The following CRNKL1 variants were observed in gnomAD, a reference collection of about 807,000 sequenced individuals.
CRNKL1 encodes the protein crooked neck pre-mRNA splicing factor 1.
CRNKL1 carries 35 observed loss-of-function variants against 103.7 expected under a neutral mutation model. That is an observed-to-expected ratio of 0.34 (90% confidence interval 0.26 to 0.45). CRNKL1 has a LOEUF of 0.45. CRNKL1 is among the 20% of genes least tolerant of loss of function. The pLI, the probability that CRNKL1 is intolerant of heterozygous loss-of-function variation, is 1.00. For synonymous variants in CRNKL1, 267 were observed against 282.6 expected (o/e 0.94, Z 0.55); for missense variants, 645 against 836.0 (o/e 0.77, Z 2.82).
chr20:20,045,619 A>G (rs2146496238), intron 5 of CRNKL1, 133 bp from the exon 6 acceptor site: 1 of 729,032 alleles, frequency 1.4e-6, no homozygotes, highest in Non-Finnish European at 2.2e-6. Context: ...AACAAAACAC[A>G]TACAAAAGTG....
At chr20:20,039,555 A>G in intron 11 of CRNKL1, 54 bp downstream of exon 11, 2 of 1,601,446 alleles carry the variant, frequency 1.2e-6, no homozygotes, top group South Asian at 2.2e-5. Flanking sequence ...GGTCATCTAA[A>G]GTAAGACTAA....
At chr20:20,054,015 T>G (rs796396727), upstream of CRNKL1, among the ~76,000 whole-genome samples, 45 of 105,662 alleles carry the variant, frequency 4.3e-4, no homozygotes, top group East Asian at 2.6e-3. Flanking sequence ...TTTTGTTTGT[T>G]TTTTTTTTTT....
At position 20,038,532 on chromosome 20, in the gene CRNKL1, C is replaced by G; in HGVS notation, c.1546-82G>C. The G allele has an allele frequency of 6.7e-6, 5 of 742,416 alleles. No homozygotes were observed. The South Asian group carries it at 8.1e-5, about 12-fold the overall frequency. 46.0% of individuals were successfully genotyped at this position (742,416 alleles called of 1,614,324 possible). ...TCCAAAGCACAGCTGAAGTATCACTCTAACCTACATCTAGGAACATAGGAT... is the reference window on the plus strand; with the variant it reads ...TCCAAAGCACAGCTGAAGTATCACTGTAACCTACATCTAGGAACATAGGAT... On this transcript the variant is annotated intron_variant, in intron 11 of 13. Transcript: ENST00000536226.
At chr20:20,052,842 A>T, upstream of CRNKL1, 1 of 969,016 alleles carries the variant, frequency 1.0e-6, no homozygotes, top group Non-Finnish European at 1.5e-6. Flanking sequence ...TTTAGGCTGC[A>T]ATGCCTCGAG....
rs149981028 is a variant in CRNKL1, at chr20:20,044,683, G to A, written c.801+625C>T. Among the ~76,000 whole-genome samples, 8 of 152,130 alleles carry A rather than the reference G, an allele frequency of 5.3e-5. No homozygotes were observed. The East Asian group carries it at 1.5e-3, about 29-fold the overall frequency. ...CACCCAGGCTAGAGTGCAATGGCAC[G>A]AACATAGCTCATTGTAGTCTCAAAC... On this transcript the variant is annotated intron_variant, in intron 6 of 13. Coordinates refer to ENST00000536226, the MANE Select transcript of CRNKL1 (RefSeq NM_001278628.2).
At chr20:20,040,935 CA>C (rs2043502740) in intron 9 of CRNKL1, among the ~76,000 whole-genome samples, 169 bp from the exon 10 acceptor site, 1 of 152,170 alleles carries the variant, frequency 6.6e-6, no homozygotes, top group Non-Finnish European at 1.5e-5. Context: ...ATTCATTTCA[CA>C]AAAGTTAGAA....
At chr20:20,048,585 A>G in intron 3 of CRNKL1, 84 bp from the exon 4 acceptor site, 1 of 1,401,570 alleles carries the variant, frequency 7.1e-7, no homozygotes, top group African/African-American at 1.4e-5. Flanking sequence ...GAATGCACTG[A>G]TGTTTTATTA....
chr20:20,044,132 C>CA (rs1483952787), intron 6 of CRNKL1, among the ~76,000 whole-genome samples: 1 of 152,208 alleles, frequency 6.6e-6, no homozygotes, highest in Non-Finnish European at 1.5e-5. Context: ...CCCCAGCCCC[C>CA]AGCCATCAAA....
upstream of CRNKL1, among the ~76,000 whole-genome samples, chr20:20,052,946 C>T (rs2043875519): frequency 6.6e-6 from 1 of 152,044 alleles, no homozygotes; most frequent in Non-Finnish European, 1.5e-5. Context: ...AAATAATTAA[C>T]TCTAAGGCTT....
At chr20:20,042,585 T>G in intron 7 of CRNKL1, 69 bp from the exon 8 acceptor site, 2 of 1,417,274 alleles carry the variant, frequency 1.4e-6, no homozygotes, top group Non-Finnish European at 1.9e-6. Flanking sequence ...TTAAGCAAGC[T>G]GAAAAAAGGC....
chr20:20,040,292 A>G (rs1464733602), intron 10 of CRNKL1, among the ~76,000 whole-genome samples: 3 of 151,346 alleles, frequency 2.0e-5, no homozygotes, highest in Non-Finnish European at 4.4e-5. Flanking sequence ...AGCTTGGGGA[A>G]CAGAGCGAGA....
At chr20:20,051,531 A>G (rs1298965828) in intron 1 of CRNKL1, among the ~76,000 whole-genome samples, 1 of 152,240 alleles carries the variant, frequency 6.6e-6, no homozygotes, top group Non-Finnish European at 1.5e-5. Context: ...GTGATAGCTC[A>G]TATTTAATAA....
rs762926211 is a variant in CRNKL1, at chr20:20,052,417, C to G, written c.-75G>C. 3.1e-6 allele frequency: 5 copies of G among 1,614,218 alleles called. No individual in the cohort carries two copies. The Admixed American group carries it at 5.0e-5, about 16-fold the overall frequency. ...AATCGGCTCTGAGAGCTCACCGAAA[C>G]CACAAAGCTTTCAGAAAACAAACAG... On this transcript the variant is annotated 5_prime_UTR_variant, in exon 1 of 14. Coordinates refer to ENST00000536226, the MANE Select transcript of CRNKL1 (RefSeq NM_001278628.2).
chr20:20,039,102 G>A (rs1487878698), intron 11 of CRNKL1, among the ~76,000 whole-genome samples: 1 of 152,212 alleles, frequency 6.6e-6, no homozygotes, highest in Admixed American at 6.5e-5. Flanking sequence ...TGAGTTCTAC[G>A]ACTCATGTGA....
At chr20:20,044,782 C>T (rs2043569187) in intron 6 of CRNKL1, among the ~76,000 whole-genome samples, 1 of 144,054 alleles carries the variant, frequency 6.9e-6, no homozygotes, top group African/African-American at 2.7e-5. Context: ...ACTATGCCCA[C>T]TCAATTTTTT....
rs2043402462 is a variant in CRNKL1, at chr20:20,035,305, T to C, written c.*890A>G. ...TGGAGATACATAATGTACAGAAGCC[T>C]AACTATAAAGAGATTTGATTAACGA... On this transcript the variant is annotated 3_prime_UTR_variant, in exon 14 of 14. Transcript: ENST00000536226. 1 of 152,186 alleles carries C rather than the reference T, an allele frequency of 6.6e-6. No homozygotes were observed. Among genetic ancestry groups the C allele is most frequent in the South Asian group, 2.1e-4 (1 of 4,834 alleles). The allele number at this position is 152,186 out of a possible 1,614,324, so 9.4% of individuals were successfully genotyped here.
intron 10 of CRNKL1, 132 bp from the exon 11 acceptor site, chr20:20,039,980 C>A: frequency 1.1e-6 from 1 of 893,052 alleles, no homozygotes; most frequent in East Asian, 2.5e-5. Flanking sequence ...CATTCTTTCC[C>A]TCTGTGGTAT....
chr20:20,042,885 C>T (rs968891574), intron 7 of CRNKL1, among the ~76,000 whole-genome samples: 1 of 152,192 alleles, frequency 6.6e-6, no homozygotes, highest in African/African-American at 2.4e-5. Context: ...GTTAAACTTG[C>T]CTTTCCAATT....
rs752407308 is a variant in CRNKL1 at position 20,042,460 on chromosome 20, G to A, written c.1029C>T (p.Asp343=). 10 of 1,613,924 alleles carry A rather than the reference G, an allele frequency of 6.2e-6. No homozygotes were observed. The highest frequency in any genetic ancestry group is 1.1e-5 in the South Asian group (1 of 91,066). The change falls in exon 8 of 14, where the codon GAC becomes GAT. Residue 343 remains aspartate, a synonymous_variant. Coordinates refer to ENST00000536226, the MANE Select transcript of CRNKL1 (RefSeq NM_001278628.2). ...CTTCTCTCACGGCTTCAGCTTCTGC[G>A]TCACTTTCTACCAAGCGCAAGTAAT... ...WFDYLRLVES[D]AEAEAVREVY...
Sources: gnomAD v4.1 joint callset for allele counts (sites outside exome capture counted in the v4.1 genomes callset) on GRCh38, gnomAD v4.1.1 for gene constraint, MANE v1.5 for transcripts, NCBI Gene and HGNC (gene_info 2026-07-23, HGNC 2026-07-21) for gene names.